The following MATN1 variants were observed in gnomAD, a reference collection of about 807,000 sequenced individuals.
MATN1 encodes the protein matrilin 1.
A neutral mutation model predicts 41.3 loss-of-function variants in MATN1; 34 were observed. The observed-to-expected ratio is 0.82, with a 90% CI of 0.63 to 1.10. MATN1 has a LOEUF of 1.10. MATN1 is among the 50% of genes least tolerant of loss of function. The pLI is 0.00. For missense variants in MATN1, 602 were observed against 662.4 expected (o/e 0.91, Z 1.00); for synonymous variants, 264 against 278.7 (o/e 0.95, Z 0.53).
chr1:30,723,472 G>A lies in MATN1; in HGVS notation c.80C>T (p.Ala27Val), dbSNP rs754224196. 9 of 1,523,038 alleles carry A rather than the reference G, an allele frequency of 5.9e-6. No individual in the cohort carries two copies. Among genetic ancestry groups the A allele is most frequent in the Non-Finnish European group, 7.0e-6 (8 of 1,135,260 alleles). 94.3% of individuals were successfully genotyped at this position (1,523,038 alleles called of 1,614,324 possible). A position where few individuals can be genotyped will look rare whatever the true frequency, so the allele number is the denominator to read the frequency against. The stretch of plus-strand genomic sequence containing the variant: ...AGCCCCCTCACCTCTGGACTGGGGG[G>A]CGAGGCCAGGGCTGCACAGGGCCTG... The part of the protein sequence containing the change: ...LLQALCSPGL[A>V]PQSRGHLCRT... The change falls in exon 1 of 8, where the codon GCC becomes GTC. Residue 27 changes from alanine (A) to valine (V), a missense_variant. Physicochemically the swap from Ala to Val is moderately conservative, Grantham distance 64 (BLOSUM62 0). Coordinates refer to ENST00000373765, the MANE Select transcript of MATN1 (RefSeq NM_002379.3).
At chr1:30,716,718 G>A in intron 4 of MATN1, 72 bp downstream of exon 4, 5 of 1,575,324 alleles carry the variant, frequency 3.2e-6, no homozygotes, top group Non-Finnish European at 2.6e-6. Flanking sequence ...GGCTTGAATG[G>A]GTTTCCTGGG....
chr1:30,722,074 A>AG (rs35123244), intron 1 of MATN1, among the ~76,000 whole-genome samples: 33,048 of 152,138 alleles, frequency 0.22, 5,093 homozygotes, highest in African/African-American at 0.43. Context: ...AGGAGCCAGC[A>AG]GGGGGCCAGG....
intron 7 of MATN1, 93 bp from the exon 8 acceptor site, chr1:30,713,724 A>C: frequency 2.1e-6 from 2 of 932,852 alleles, no homozygotes; most frequent in South Asian, 1.4e-5. Flanking sequence ...ACCCCACTAC[A>C]GCGTGCATTC....
Position 30,716,860 on chromosome 1 carries a change from G to A in MATN1, c.720C>T (p.Ser240=), listed in dbSNP as rs1256020612. ...GDHDCEQVCI[S]SPGSYTCACH... ...AGGCGCAGGTGTAGGAACCGGGGGA[G>A]CTGATGCACACCTGCTCACAGTCAT... Residue 240 remains serine, a synonymous_variant, in exon 4 of 8, where the codon AGC becomes AGT. Transcript: ENST00000373765. The A allele has an allele frequency of 6.2e-7, 1 of 1,613,866 alleles. No homozygotes were observed. Among genetic ancestry groups the A allele is most frequent in the Admixed American group, 1.7e-5 (1 of 59,992 alleles).
Position 30,718,844 on chromosome 1 carries a change from C to T in MATN1, c.555G>A (p.Lys185=), listed in dbSNP as rs1237255271. 1 of 1,608,774 alleles carries T rather than the reference C, an allele frequency of 6.2e-7. No individual in the cohort carries two copies. Among genetic ancestry groups the T allele is most frequent in the African/African-American group, 1.3e-5 (1 of 74,894 alleles). ...CGCTGGCGATCTGCCGCAGCGTGGC[C>T]TTGTCCACGCTGCCCACTCCGATGG... ...LFAIGVGSVD[K]ATLRQIASEP... is the part of the protein sequence containing the mutation. The change falls in exon 3 of 8, where the codon AAG becomes AAA. Residue 185 remains lysine, a synonymous_variant. Transcript: ENST00000373765.
intron 7 of MATN1, 40 bp downstream of exon 7, chr1:30,714,207 G>A: frequency 6.6e-7 from 1 of 1,511,232 alleles, no homozygotes; most frequent in Middle Eastern, 2.0e-4. Context: ...ACACTGGCCT[G>A]CGCCCCTCCC....
In MATN1 at chr1:30,723,385, G is replaced by A. The variant is rs1028921981; in HGVS notation, c.94+73C>T. ...GATCCCGTGTGCTCCCTGCCATATC[G>A]GTACCCAGCCCCCAGTGCTGAGGGT... On this transcript the variant is annotated intron_variant, in intron 1 of 7. Transcript: ENST00000373765. The A allele has an allele frequency of 7.4e-5, 88 of 1,188,100 alleles. 2 individuals carry two copies. Among genetic ancestry groups the A allele is most frequent in the South Asian group, 6.9e-4 (41 of 59,628 alleles). 73.6% of individuals were successfully genotyped at this position (1,188,100 alleles called of 1,614,324 possible).
In MATN1 at chr1:30,717,642, G is replaced by GTTTTTT. The variant is rs751915676; in HGVS notation, c.665-733_665-728dup. Among the ~76,000 whole-genome samples, 34 of 109,974 alleles carry GTTTTTT rather than the reference G, an allele frequency of 3.1e-4. 8 individuals carry two copies. Among genetic ancestry groups the GTTTTTT allele is most frequent in the Middle Eastern group, 4.1e-3 (1 of 246 alleles). 72.1% of individuals were successfully genotyped at this position (109,974 alleles called of 152,430 possible). ...GGCTCTGTTGTTTTTTGTGTGTGCG[G>GTTTTTT]TTTTTTTTTTTGTTTTGTTTTTTTT... On this transcript the variant is annotated intron_variant, in intron 3 of 7. Coordinates refer to ENST00000373765, the MANE Select transcript of MATN1 (RefSeq NM_002379.3).
chr1:30,712,449 AC>A lies in MATN1; in HGVS notation c.*1132del. On this transcript the variant is annotated 3_prime_UTR_variant, in exon 8 of 8. Coordinates refer to ENST00000373765, the MANE Select transcript of MATN1 (RefSeq NM_002379.3). The stretch of plus-strand genomic sequence containing the variant: ...TGCACAGGAAACAAACAGAACTCCA[AC>A]AGGGCATGTTGGGGGCGGGAGGGGA... 6.6e-6 allele frequency: 1 copy of A among 152,468 alleles called. No homozygotes were observed. The highest frequency in any genetic ancestry group is 1.9e-4 in the East Asian group (1 of 5,170). 9.4% of individuals were successfully genotyped at this position (152,468 alleles called of 1,614,324 possible).
chr1:30,717,950 G>C (rs1639641107), intron 3 of MATN1, among the ~76,000 whole-genome samples: 1 of 152,184 alleles, frequency 6.6e-6, no homozygotes, highest in African/African-American at 2.4e-5. Flanking sequence ...ACCGCGCCCG[G>C]CCATAAAAGG....
At chr1:30,719,808 G>T in intron 2 of MATN1, 1 of 153,406 alleles carries the variant, frequency 6.5e-6, no homozygotes. Context: ...TCTGATTCCT[G>T]GGTCCCATCC....
At position 30,718,223 on chromosome 1, in the gene MATN1, A is replaced by AC. The variant is rs557056249; in HGVS notation, c.664+511dup. ...GATGTGGCCCCGCCCCCCGACGCTG[A>AC]CTTTTTCTGTCTTCACTTTAGCGCT... On this transcript the variant is annotated intron_variant, in intron 3 of 7. Coordinates refer to ENST00000373765, the MANE Select transcript of MATN1 (RefSeq NM_002379.3). Among the ~76,000 whole-genome samples the AC allele has an allele frequency of 1.8e-4, 25 of 139,264 alleles. 1 individual carries two copies. Among genetic ancestry groups the AC allele is most frequent in the South Asian group, 1.7e-3 (7 of 4,214 alleles). The allele number at this position is 139,264 out of a possible 152,430, so 91.4% of individuals were successfully genotyped here. A position where few individuals can be genotyped will look rare whatever the true frequency, so the allele number is the denominator to read the frequency against.
intron 2 of MATN1, 175 bp from the exon 3 acceptor site, chr1:30,719,132 C>G: frequency 1.9e-6 from 1 of 524,828 alleles, no homozygotes; most frequent in Non-Finnish European, 3.3e-6. Context: ...GACTGAGAGA[C>G]GTGGCTGGGG....
Position 30,713,362 on chromosome 1 carries a change from C to T in MATN1, c.*220G>A. On this transcript the variant is annotated 3_prime_UTR_variant, in exon 8 of 8. Coordinates refer to ENST00000373765, the MANE Select transcript of MATN1 (RefSeq NM_002379.3). The stretch of plus-strand genomic sequence containing the variant: ...CACATTCTGGCAAGACTCATGCCCA[C>T]CCTCAGGCGCACGTGCACACACACA... The T allele has an allele frequency of 1.7e-6, 1 of 582,956 alleles. No individual in the cohort carries two copies. The highest frequency in any genetic ancestry group is 2.8e-5 in the East Asian group (1 of 35,496). The allele number at this position is 582,956 out of a possible 1,614,324, so 36.1% of individuals were successfully genotyped here. A position where few individuals can be genotyped will look rare whatever the true frequency, so the allele number is the denominator to read the frequency against.
In MATN1 at chr1:30,716,084, A is replaced by T. The variant is rs1639615155; in HGVS notation, c.1032T>A (p.Asn344Lys). Residue 344 changes from asparagine (N) to lysine (K), a missense_variant, in exon 5 of 8, where the codon AAT becomes AAA. Physicochemically the swap from Asn to Lys is moderately conservative, Grantham distance 94. Transcript: ENST00000373765. ...TKKDIKAAVR[N>K]MSYMEKGTMT... is the part of the protein sequence containing the mutation. Reference sequence around the variant, plus strand: ...TTGTGCCCTTCTCCATGTAGGACATATTCCGCACAGCCGCCTTGATGTCCT... The same window carrying T: ...TTGTGCCCTTCTCCATGTAGGACATTTTCCGCACAGCCGCCTTGATGTCCT... 6.2e-7 allele frequency: 1 copy of T among 1,614,094 alleles called. No homozygotes were observed. Among genetic ancestry groups the T allele is most frequent in the Non-Finnish European group, 8.5e-7 (1 of 1,180,042 alleles).
At chr1:30,714,095 T>G (rs1569825493) in intron 7 of MATN1, 152 bp downstream of exon 7, 1 of 651,358 alleles carries the variant, frequency 1.5e-6, no homozygotes, top group Non-Finnish European at 2.7e-6. Flanking sequence ...GCACCCAAGC[T>G]GGCTTCAGCT....
intron 7 of MATN1, chr1:30,713,861 C>T (rs1168540899): frequency 1.7e-6 from 1 of 597,992 alleles, no homozygotes; most frequent in Non-Finnish European, 3.0e-6. Flanking sequence ...CTGGGTTCCC[C>T]ACCTAGTCCT....
At position 30,721,324 on chromosome 1, in the gene MATN1, C is replaced by T. The variant is rs370601431; in HGVS notation, c.441+81G>A. Reference sequence around the variant, plus strand: ...CCACCTCACGGGGCATCATGGGAATCAAAGTGTCTGCAGGCAAAGCTCATA... The same window carrying T: ...CCACCTCACGGGGCATCATGGGAATTAAAGTGTCTGCAGGCAAAGCTCATA... On this transcript the variant is annotated intron_variant, in intron 2 of 7. Transcript: ENST00000373765. 13 of 1,354,276 alleles carry T rather than the reference C, an allele frequency of 9.6e-6. No individual in the cohort carries two copies. The East Asian group carries it at 1.4e-4, about 14-fold the overall frequency. The allele number at this position is 1,354,276 out of a possible 1,614,324, so 83.9% of individuals were successfully genotyped here.
chr1:30,721,250 T>C (rs1639690564), intron 2 of MATN1, 155 bp downstream of exon 2: 1 of 727,174 alleles, frequency 1.4e-6, no homozygotes, highest in East Asian at 2.6e-5. Context: ...TGGTGACCTC[T>C]GTCTAATGAC....
Sources: gnomAD v4.1 joint callset for allele counts (sites outside exome capture counted in the v4.1 genomes callset) on GRCh38, gnomAD v4.1.1 for gene constraint, MANE v1.5 for transcripts, NCBI Gene and HGNC (gene_info 2026-07-23, HGNC 2026-07-21) for gene names.